The following C4orf50 variants were observed in gnomAD, a reference collection of about 807,000 sequenced individuals.
C4orf50 encodes the protein chromosome 4 open reading frame 50.
Under a neutral mutation model 77.2 loss-of-function variants are expected in C4orf50, and 80 were observed. The observed-to-expected ratio is 1.04, with a 90% confidence interval of 0.87 to 1.25. The LOEUF (loss-of-function observed/expected upper bound fraction) is 1.25. Ranked by LOEUF, C4orf50 falls within the 50% of genes most tolerant of loss-of-function variation. The probability of loss-of-function intolerance (pLI) is 0.00; values close to 1 mark genes in which losing one functional copy is unlikely to be tolerated. For missense variants in C4orf50, 1,257 were observed against 1,152.9 expected, an observed-to-expected ratio of 1.09 and a Z score of -1.31; for synonymous variants, 532 against 465.3, an observed-to-expected ratio of 1.14 and a Z score of -1.84.
intron 29 of C4orf50, among the ~76,000 whole-genome samples, chr4:5,976,630 G>A (rs1034060148): frequency 1.4e-4 from 22 of 152,100 alleles, no homozygotes; most frequent in Admixed American, 5.2e-4. Context: ...TCAGCCAGTC[G>A]CTGGAACTGA....
chr4:5,914,205 G>GTTTTT (rs1207974269), intron 7 of C4orf50, among the ~76,000 whole-genome samples: 8 of 78,156 alleles, frequency 1.0e-4, no homozygotes, highest in African/African-American at 1.6e-4. Flanking sequence ...TTTTATGGGT[G>GTTTTT]TTTTTTTTTT....
At chr4:6,005,868 G>A (rs1328832897) in intron 25 of C4orf50, among the ~76,000 whole-genome samples, 2 of 152,142 alleles carry the variant, frequency 1.3e-5, no homozygotes, top group African/African-American at 2.4e-5. Context: ...CCCATGAGAG[G>A]TGCAGTTCCC....
exon 28 of C4orf50, chr4:5,990,455 T>G (rs1441311576): frequency 1.0e-5 from 4 of 400,992 alleles, no homozygotes; most frequent in African/African-American, 4.1e-5. Context: ...TGATTTGAAA[T>G]GTAGGGGGCC....
intron 7 of C4orf50, among the ~76,000 whole-genome samples, chr4:5,928,711 TC>T (rs1463792033): frequency 2.0e-5 from 3 of 152,210 alleles, no homozygotes; most frequent in Non-Finnish European, 1.5e-5. Flanking sequence ...TGCAGTGACT[TC>T]CGGCATACAG....
chr4:5,995,543 G>A (rs887322360), intron 25 of C4orf50, among the ~76,000 whole-genome samples: 2 of 148,178 alleles, frequency 1.3e-5, no homozygotes, highest in African/African-American at 2.5e-5. Flanking sequence ...CCACTCACGA[G>A]GGGCTGGGCA....
At chr4:5,967,672 G>A (rs1170181938) in intron 31 of C4orf50, among the ~76,000 whole-genome samples, 3 of 152,104 alleles carry the variant, frequency 2.0e-5, no homozygotes, top group African/African-American at 4.8e-5. Context: ...TTGCTCTTAG[G>A]AAACATGGGC....
chr4:5,965,190 G>T, intron 32 of C4orf50, 45 bp from the exon 11 acceptor site: 1 of 1,593,208 alleles, frequency 6.3e-7, no homozygotes, highest in Non-Finnish European at 8.6e-7. Context: ...AGGAACCTAG[G>T]TGAAAAGTCT....
At chr4:5,938,833 T>C (rs571296528) in intron 7 of C4orf50, among the ~76,000 whole-genome samples, 6 of 152,264 alleles carry the variant, frequency 3.9e-5, no homozygotes, top group Non-Finnish European at 2.9e-5. Flanking sequence ...TGATGTGTCT[T>C]TTCCACCTTT....
In C4orf50 at chr4:6,018,077, T is replaced by C. The variant is rs1722747869; in HGVS notation, c.287+68A>G. ...CTGTGTGGTGTGATTCAACACACCATGGTGACACACTCTGATGGCCCCGCG... is the reference window on the plus strand; with the variant it reads ...CTGTGTGGTGTGATTCAACACACCACGGTGACACACTCTGATGGCCCCGCG... On this transcript the variant is annotated intron_variant, in intron 23 of 33. Transcript: ENST00000531445. The surrounding 1 kb of genome is among the most constrained non-coding windows in gnomAD (Gnocchi z 5.1). The C allele has an allele frequency of 2.5e-6, 1 of 397,680 alleles. No homozygotes were observed. The highest frequency in any genetic ancestry group is 2.1e-5 in the African/African-American group (1 of 48,620). The allele number at this position is 397,680 out of a possible 1,614,324, so 24.6% of individuals were successfully genotyped here.
intron 31 of C4orf50, 23 bp downstream of exon 9, chr4:5,973,636 C>T (rs1200992044): frequency 6.3e-7 from 1 of 1,591,898 alleles, no homozygotes; most frequent in Admixed American, 1.7e-5. Flanking sequence ...GAAGCACAGA[C>T]AGGGCCATCT....
chr4:5,988,289 G>C, intron 28 of C4orf50, 58 bp downstream of exon 6: 1 of 1,570,830 alleles, frequency 6.4e-7, no homozygotes, highest in Non-Finnish European at 8.6e-7. Flanking sequence ...AGTGAATGGG[G>C]TGGCCCCCGG....
At chr4:5,924,752 C>T (rs1717438961) in intron 7 of C4orf50, among the ~76,000 whole-genome samples, 1 of 152,154 alleles carries the variant, frequency 6.6e-6, no homozygotes, top group African/African-American at 2.4e-5. Flanking sequence ...TCCACTTGCA[C>T]AATATGAAGC....
chr4:5,980,079 T>C, intron 29 of C4orf50, 95 bp downstream of exon 7: 1 of 1,047,692 alleles, frequency 9.5e-7, no homozygotes, highest in Non-Finnish European at 1.4e-6. Context: ...ACTGGCTGGG[T>C]CAAGAAGACC....
intron 26 of C4orf50, 45 bp downstream of exon 4, chr4:5,994,302 G>A (rs1329425253): frequency 4.3e-5 from 17 of 399,012 alleles, no homozygotes; most frequent in Non-Finnish European, 7.5e-5. Flanking sequence ...CATTCAGTGG[G>A]TGCTGCCCGC....
downstream of C4orf50, among the ~76,000 whole-genome samples, chr4:5,955,421 T>TA (rs1211855941): frequency 2.6e-5 from 4 of 152,110 alleles, no homozygotes; most frequent in Non-Finnish European, 5.9e-5. This position sits in a 1 kb window ranked among gnomAD's most constrained non-coding sequence, Gnocchi z 5.1. Context: ...GTCACACACC[T>TA]GGGCTGTGAA....
intron 33 of C4orf50, among the ~76,000 whole-genome samples, chr4:5,959,868 C>A (rs575467508): frequency 1.3e-5 from 2 of 152,308 alleles, no homozygotes; most frequent in Admixed American, 6.5e-5. Context: ...GCGTGAGGCT[C>A]CCTCTCCACG....
chr4:5,976,209 G>C (rs1318307133), intron 29 of C4orf50, among the ~76,000 whole-genome samples: 1 of 152,032 alleles, frequency 6.6e-6, no homozygotes, highest in Non-Finnish European at 1.5e-5. Context: ...ACTTTGGGAG[G>C]CCGAGGTGGG....
At chr4:6,004,315 G>GGTGATGGTGA (rs774914346) in intron 25 of C4orf50, among the ~76,000 whole-genome samples, 2 of 22,086 alleles carry the variant, frequency 9.1e-5, no homozygotes, top group African/African-American at 1.2e-4. Context: ...TGGTGATGAT[G>GGTGATGGTGA]TGATCGTAAT....
intron 7 of C4orf50, among the ~76,000 whole-genome samples, chr4:5,920,480 T>G (rs989670638): frequency 4.7e-5 from 7 of 150,188 alleles, no homozygotes; most frequent in Non-Finnish European, 7.4e-5. Flanking sequence ...CATTGCTTTT[T>G]TTTTTTTTTT....
Sources: allele counts gnomAD v4.1 joint callset (sites outside exome capture counted in the v4.1 genomes callset), GRCh38; gene constraint gnomAD v4.1.1; non-coding constraint Gnocchi (gnomAD v3.1); transcripts MANE v1.5; gene names NCBI Gene and HGNC (gene_info 2026-07-23, HGNC 2026-07-21).